Variants in BNC2 observed in about 807,000 individuals in gnomAD.
The protein encoded by BNC2 is zinc finger protein basonuclin-2.
A neutral mutation model predicts 76.3 loss-of-function variants in BNC2; 20 were observed. That is an observed-to-expected ratio of 0.26 (90% CI 0.18 to 0.38). The LOEUF (loss-of-function observed/expected upper bound fraction) is 0.38, where lower values mean the gene tolerates loss of function less well. Among genes scored for constraint, BNC2 ranks in the 10% least tolerant of loss-of-function variants. The pLI, the probability that BNC2 is intolerant of heterozygous loss-of-function variation, is 1.00. For synonymous variants in BNC2, 582 were observed against 514.8 expected (o/e 1.13, Z -1.77); for missense variants, 1,382 against 1,399.8 (o/e 0.99, Z 0.20).
chr9:16,771,559 C>A (rs1345323173), intron 1 of BNC2, among the ~76,000 whole-genome samples: 4 of 152,172 alleles, frequency 2.6e-5, no homozygotes, highest in Non-Finnish European at 5.9e-5. Flanking sequence ...CCTAGCATAT[C>A]CTGCATGAAT....
chr9:16,839,638 G>A (rs1818781403), intron 1 of BNC2, among the ~76,000 whole-genome samples: 2 of 152,050 alleles, frequency 1.3e-5, no homozygotes, highest in African/African-American at 4.8e-5. Flanking sequence ...TCCTTCTTAG[G>A]CGCCATCACT....
intron 1 of BNC2, among the ~76,000 whole-genome samples, chr9:16,813,248 G>GT (rs921978316): frequency 6.6e-6 from 1 of 151,796 alleles, no homozygotes; most frequent in African/African-American, 2.4e-5. Context: ...TACCATAACG[G>GT]AAGCAAGCAG....
chr9:16,448,588 G>C (rs749347562), intron 5 of BNC2, among the ~76,000 whole-genome samples: 13 of 152,156 alleles, frequency 8.5e-5, no homozygotes, highest in Non-Finnish European at 1.6e-4. Flanking sequence ...TAGGATGTGA[G>C]GGAGCAGGGC....
chr9:16,797,150 A>AT (rs141336599), intron 1 of BNC2, among the ~76,000 whole-genome samples: 76,780 of 151,502 alleles, frequency 0.51, 25,411 homozygotes, highest in Non-Finnish European at 0.75. Flanking sequence ...CTTAATATAG[A>AT]TTTTTTTTTA....
chr9:16,714,290 T>C (rs1234590594), intron 3 of BNC2, among the ~76,000 whole-genome samples: 1 of 152,218 alleles, frequency 6.6e-6, no homozygotes, highest in Non-Finnish European at 1.5e-5. Flanking sequence ...TTTATAAAAA[T>C]TAACAGCATC....
intron 3 of BNC2, among the ~76,000 whole-genome samples, chr9:16,715,211 T>G (rs1204492929): frequency 6.6e-6 from 1 of 152,236 alleles, no homozygotes; most frequent in Non-Finnish European, 1.5e-5. Context: ...TTTTATTATT[T>G]TAAAATCCTT....
At chr9:16,471,099 C>G (rs1339930474) in intron 5 of BNC2, among the ~76,000 whole-genome samples, 1 of 152,148 alleles carries the variant, frequency 6.6e-6, no homozygotes, top group Non-Finnish European at 1.5e-5. Flanking sequence ...CTTACATCAG[C>G]GTGATGTGGA....
In BNC2 at chr9:16,748,014, AT is replaced by A. The variant is rs1035397230; in HGVS notation, c.4-9530del. On this transcript the variant is annotated intron_variant, in intron 1 of 6. Coordinates refer to ENST00000380672, the MANE Select transcript of BNC2 (RefSeq NM_017637.6). The stretch of plus-strand genomic sequence containing the variant: ...GAATATTAAGTAGTCATTAAGAAGA[AT>A]GGAAAAAAAAACTGTAAATACAGAT... Among the ~76,000 whole-genome samples, 8 of 38,310 alleles carry A rather than the reference AT, an allele frequency of 2.1e-4. 1 individual carries two copies. The South Asian group carries it at 4.8e-3, about 23-fold the overall frequency. 25.1% of individuals were successfully genotyped at this position (38,310 alleles called of 152,430 possible).
intron 4 of BNC2, among the ~76,000 whole-genome samples, chr9:16,575,981 T>G (rs963714173): frequency 6.6e-6 from 1 of 152,160 alleles, no homozygotes; most frequent in Admixed American, 6.5e-5. Flanking sequence ...TCCAAACGAG[T>G]GCACCAAGGG....
At chr9:16,732,490 A>G (rs1332867220) in intron 2 of BNC2, among the ~76,000 whole-genome samples, 1 of 152,210 alleles carries the variant, frequency 6.6e-6, no homozygotes, top group Non-Finnish European at 1.5e-5. Context: ...TGTCTCCAAC[A>G]ATGTAAATCC....
chr9:16,845,450 G>A (rs762926008), intron 1 of BNC2, among the ~76,000 whole-genome samples: 12 of 152,280 alleles, frequency 7.9e-5, no homozygotes, highest in South Asian at 2.1e-4. Flanking sequence ...GGCCGGGCGC[G>A]GTGGCTCACA....
intron 6 of BNC2, among the ~76,000 whole-genome samples, chr9:16,420,931 C>T (rs1268713186): frequency 6.6e-6 from 1 of 152,108 alleles, no homozygotes; most frequent in Non-Finnish European, 1.5e-5. Flanking sequence ...ACTGACATAT[C>T]TACAGATACA....
chr9:16,672,433 T>A (rs1277724648), intron 3 of BNC2, among the ~76,000 whole-genome samples: 1 of 151,572 alleles, frequency 6.6e-6, no homozygotes, highest in African/African-American at 2.4e-5. Flanking sequence ...GGAGGCAGAG[T>A]TTGCAGTGAG....
intron 5 of BNC2, among the ~76,000 whole-genome samples, chr9:16,456,736 T>A (rs1213348411): frequency 6.6e-6 from 1 of 152,054 alleles, no homozygotes; most frequent in African/African-American, 2.4e-5. Flanking sequence ...GAGATAGACA[T>A]GAAAAACTCT....
chr9:16,647,555 C>T (rs747433534), intron 3 of BNC2, among the ~76,000 whole-genome samples: 10 of 152,130 alleles, frequency 6.6e-5, no homozygotes, highest in South Asian at 2.1e-4. Context: ...CCTAGGGTGA[C>T]GCTTCTGGGA....
At chr9:16,450,498 A>T (rs115876311) in intron 5 of BNC2, among the ~76,000 whole-genome samples, 525 of 152,358 alleles carry the variant, frequency 3.4e-3, no homozygotes, top group African/African-American at 0.012. Flanking sequence ...TATGACACCA[A>T]GGTGGCTGAT....
At chr9:16,709,825 A>C (rs930413554) in intron 3 of BNC2, among the ~76,000 whole-genome samples, 1 of 152,184 alleles carries the variant, frequency 6.6e-6, no homozygotes, top group Non-Finnish European at 1.5e-5. Context: ...AGTGTGTTAA[A>C]ATTTTGGAAT....
chr9:16,717,147 G>C (rs1444566575), intron 3 of BNC2, among the ~76,000 whole-genome samples: 1 of 152,260 alleles, frequency 6.6e-6, no homozygotes, highest in East Asian at 1.9e-4. Context: ...CTGGAACTCA[G>C]TTGTTAATTT....
At chr9:16,630,284 C>T (rs1821123278) in intron 3 of BNC2, among the ~76,000 whole-genome samples, 1 of 152,000 alleles carries the variant, frequency 6.6e-6, no homozygotes, top group Admixed American at 6.6e-5. Flanking sequence ...GGGAAAAGTC[C>T]AAAACTGGAT....
Sources: gnomAD v4.1 joint callset for allele counts (sites outside exome capture counted in the v4.1 genomes callset) on GRCh38, gnomAD v4.1.1 for gene constraint, MANE v1.5 for transcripts, NCBI Gene and HGNC (gene_info 2026-07-23, HGNC 2026-07-21) for gene names.